The following CPVL variants were observed in gnomAD, a reference collection of about 807,000 sequenced individuals.
CPVL encodes the protein carboxypeptidase vitellogenic like.
CPVL carries 51 observed loss-of-function variants against 63.7 expected under a neutral mutation model. The observed-to-expected ratio is 0.80, with a 90% CI of 0.64 to 1.01. The LOEUF (loss-of-function observed/expected upper bound fraction) is 1.01. Ranked by LOEUF, CPVL falls within the 50% of genes least tolerant of loss-of-function variation. The pLI is 0.00. For missense variants in CPVL, 530 were observed against 573.1 expected (o/e 0.92, Z 0.77); for synonymous variants, 195 against 206.0 (o/e 0.95, Z 0.46).
intron 5 of CPVL, among the ~76,000 whole-genome samples, chr7:29,179,431 A>C (rs1797788523): frequency 6.6e-6 from 1 of 152,218 alleles, no homozygotes; most frequent in Non-Finnish European, 1.5e-5. Context: ...CTCAGGCTGA[A>C]GTTTTGCAGT....
At chr7:29,057,882 T>A (rs1475442006) in intron 11 of CPVL, among the ~76,000 whole-genome samples, 1 of 152,218 alleles carries the variant, frequency 6.6e-6, no homozygotes, top group African/African-American at 2.4e-5. Context: ...CTTTTGCCAA[T>A]GCCATACTTA....
intron 1 of CPVL, chr7:29,194,554 T>TGGCGG (rs1172703009): frequency 5.2e-6 from 1 of 193,000 alleles, no homozygotes; most frequent in Non-Finnish European, 1.0e-5. Flanking sequence ...GTGCGGGAGC[T>TGGCGG]GGCGGGGCGG....
rs577818029 is a variant in CPVL, at chr7:29,064,994, T to C, written c.964-760A>G. Among the ~76,000 whole-genome samples, 5 of 151,312 alleles carry C rather than the reference T, an allele frequency of 3.3e-5. No individual in the cohort carries two copies. The South Asian group carries it at 1.0e-3, about 32-fold the overall frequency. On this transcript the variant is annotated intron_variant, in intron 10 of 12. Transcript: ENST00000265394. ...AATAAAGGGGAAAATATGTCAAATGTGAAAAGAGATGATACTTTATGAAGG... is the reference window on the plus strand; with the variant it reads ...AATAAAGGGGAAAATATGTCAAATGCGAAAAGAGATGATACTTTATGAAGG...
intron 11 of CPVL, among the ~76,000 whole-genome samples, chr7:29,048,060 A>T (rs1338798417): frequency 6.6e-6 from 1 of 152,230 alleles, no homozygotes; most frequent in Admixed American, 6.5e-5. Flanking sequence ...TCTTGAAACA[A>T]ATCCTGGAAA....
At chr7:29,036,023 G>C (rs769943818) in intron 11 of CPVL, among the ~76,000 whole-genome samples, 2 of 152,152 alleles carry the variant, frequency 1.3e-5, no homozygotes, top group Non-Finnish European at 2.9e-5. Context: ...CCAATCTGCT[G>C]TTCTTTCTTC....
intron 5 of CPVL, among the ~76,000 whole-genome samples, chr7:29,159,635 A>C (rs1794908575): frequency 1.3e-5 from 2 of 152,054 alleles, no homozygotes; most frequent in South Asian, 2.1e-4. Context: ...CGTGCAGAGG[A>C]CATTTTGCTC....
chr7:29,053,349 T>C (rs988124962), intron 11 of CPVL, among the ~76,000 whole-genome samples: 1 of 152,148 alleles, frequency 6.6e-6, no homozygotes, highest in African/African-American at 2.4e-5. Context: ...ATGCCAAATG[T>C]CCATCAATAG....
chr7:29,135,173 T>C (rs531376696), intron 1 of CPVL, among the ~76,000 whole-genome samples: 2 of 149,824 alleles, frequency 1.3e-5, no homozygotes, highest in East Asian at 3.9e-4. Flanking sequence ...TGCAGAGGTA[T>C]AGATATGATT....
At chr7:29,082,113 A>C (rs1784779400) in intron 7 of CPVL, among the ~76,000 whole-genome samples, 1 of 152,338 alleles carries the variant, frequency 6.6e-6, no homozygotes, top group East Asian at 1.9e-4. Context: ...AGAGTTTAGA[A>C]GAGAAAGGAA....
In CPVL at chr7:29,098,504, C is replaced by T. The variant is rs180734680; in HGVS notation, c.289-2287G>A. ...CATAATTAAAGCCCTTCGAACAATGCCTAATGTATGATAAAAGCACAATAA... is the reference window on the plus strand; with the variant it reads ...CATAATTAAAGCCCTTCGAACAATGTCTAATGTATGATAAAAGCACAATAA... On this transcript the variant is annotated intron_variant, in intron 3 of 12. Coordinates refer to ENST00000265394, the MANE Select transcript of CPVL (RefSeq NM_031311.5). 7.6e-4 allele frequency among the ~76,000 whole-genome samples: 115 copies of T among 152,240 alleles called. 1 individual carries two copies. The highest frequency in any genetic ancestry group is 5.4e-4 in the Non-Finnish European group (37 of 68,024).
At chr7:29,189,551 A>T (rs781266137) in intron 1 of CPVL, among the ~76,000 whole-genome samples, 2 of 152,182 alleles carry the variant, frequency 1.3e-5, no homozygotes, top group African/African-American at 2.4e-5. Flanking sequence ...GACAGAAAAG[A>T]TGTTTGTAAC....
At chr7:29,094,007 A>G (rs921493429) in intron 5 of CPVL, among the ~76,000 whole-genome samples, 2 of 152,252 alleles carry the variant, frequency 1.3e-5, no homozygotes, top group African/African-American at 4.8e-5. Context: ...CAAGGAGAGT[A>G]TCACTTTTTG....
At chr7:29,139,031 A>G (rs1225076648) in intron 1 of CPVL, among the ~76,000 whole-genome samples, 2 of 152,198 alleles carry the variant, frequency 1.3e-5, no homozygotes, top group African/African-American at 4.8e-5. Flanking sequence ...GTGGGTTTCA[A>G]CTTCCATCCC....
intron 5 of CPVL, among the ~76,000 whole-genome samples, chr7:29,158,017 T>G (rs1269052731): frequency 3.9e-5 from 6 of 152,194 alleles, no homozygotes. Flanking sequence ...TGTTATCATT[T>G]AGCCCAGAAA....
intron 11 of CPVL, among the ~76,000 whole-genome samples, chr7:29,062,795 C>T (rs757565182): frequency 6.6e-6 from 1 of 152,190 alleles, no homozygotes; most frequent in Non-Finnish European, 1.5e-5. Context: ...AGGACAATTT[C>T]TGAAAGATCG....
chr7:29,112,887 T>C (rs1017193486), intron 2 of CPVL, 65 bp from the exon 3 acceptor site: 14 of 1,066,160 alleles, frequency 1.3e-5, no homozygotes, highest in Non-Finnish European at 1.9e-5. Flanking sequence ...ATGTGAGCCA[T>C]CTATCTCAGT....
At chr7:29,142,785 C>A (rs1739648662) in intron 1 of CPVL, among the ~76,000 whole-genome samples, 2 of 152,140 alleles carry the variant, frequency 1.3e-5, no homozygotes. Context: ...CTCAGCCTCC[C>A]AAAGTGCTGG....
At chr7:29,181,402 A>G (rs1344227204) in exon 5 of CPVL, 1 of 152,254 alleles carries the variant, frequency 6.6e-6, no homozygotes, top group Non-Finnish European at 1.5e-5. Context: ...TTCAACTTAC[A>G]GCAATCAAGC....
chr7:29,102,195 C>T (rs922311041), intron 3 of CPVL, among the ~76,000 whole-genome samples: 8 of 152,066 alleles, frequency 5.3e-5, no homozygotes, highest in Admixed American at 1.3e-4. Context: ...TGTGTTTCAG[C>T]GTCCTCTGAT....
Sources: allele counts gnomAD v4.1 joint callset (sites outside exome capture counted in the v4.1 genomes callset), GRCh38; gene constraint gnomAD v4.1.1; transcripts MANE v1.5; gene names NCBI Gene and HGNC (gene_info 2026-07-23, HGNC 2026-07-21).